Variants in PLEKHA6 observed in about 807,000 individuals in gnomAD.
PLEKHA6 encodes the protein pleckstrin homology domain-containing family A member 6.
Under a neutral mutation model 116.7 loss-of-function variants are expected in PLEKHA6, and 60 were observed. The ratio of observed to expected loss-of-function variants is 0.51; its 90% CI spans 0.42 to 0.64. The LOEUF (loss-of-function observed/expected upper bound fraction) is 0.64, where lower values mean the gene tolerates loss of function less well. PLEKHA6 is among the 30% of genes least tolerant of loss of function. The pLI, the probability that PLEKHA6 is intolerant of heterozygous loss-of-function variation, is 0.00. For missense variants in PLEKHA6, 1,338 were observed against 1,422.7 expected (o/e 0.94, Z 0.96); for synonymous variants, 489 against 556.1 (o/e 0.88, Z 1.70).
chr1:204,230,706 TC>T, intron 17 of PLEKHA6, 120 bp from the exon 18 acceptor site: 1 of 800,026 alleles, frequency 1.2e-6, no homozygotes, highest in Non-Finnish European at 1.9e-6. Flanking sequence ...TGAAGAGTGG[TC>T]CCCAAAAGAT....
At chr1:204,242,965 C>T (rs1663049065) in intron 15 of PLEKHA6, 1 of 398,102 alleles carries the variant, frequency 2.5e-6, no homozygotes, top group Non-Finnish European at 4.4e-6. Flanking sequence ...TTCCTTATCC[C>T]AGAGTCCAGC....
chr1:204,377,307 G>A (rs147102337), intron 1 of PLEKHA6, among the ~76,000 whole-genome samples: 374 of 152,276 alleles, frequency 2.5e-3, no homozygotes, highest in Middle Eastern at 0.017. Context: ...TGGAGGCCTC[G>A]CATGTGACCA....
intron 1 of PLEKHA6, chr1:204,275,734 C>G: frequency 1.0e-6 from 1 of 984,890 alleles, no homozygotes; most frequent in Non-Finnish European, 1.2e-6. Context: ...TGGCAACCCC[C>G]AAGATGGATC....
At chr1:204,267,395 G>T in intron 5 of PLEKHA6, 80 bp downstream of exon 5, 1 of 1,286,110 alleles carries the variant, frequency 7.8e-7, no homozygotes, top group Non-Finnish European at 1.1e-6. Context: ...CCAAAGCCAA[G>T]CTCGGGGATA....
At chr1:204,349,743 G>A (rs1239395624) in intron 1 of PLEKHA6, among the ~76,000 whole-genome samples, 3 of 152,148 alleles carry the variant, frequency 2.0e-5, no homozygotes, top group African/African-American at 4.8e-5. Context: ...TCAGAGTGGC[G>A]AGGATGCCCC....
chr1:204,324,471 G>A (rs2103240699), intron 1 of PLEKHA6, among the ~76,000 whole-genome samples: 1 of 152,256 alleles, frequency 6.6e-6, no homozygotes, highest in African/African-American at 2.4e-5. Flanking sequence ...CTACTTTGCA[G>A]CCCCCATTAG....
At chr1:204,287,171 G>A (rs1289270486) in intron 1 of PLEKHA6, among the ~76,000 whole-genome samples, 3 of 151,954 alleles carry the variant, frequency 2.0e-5, no homozygotes, top group Non-Finnish European at 4.4e-5. Context: ...GGAACAAAAG[G>A]GCTCCTAGCT....
chr1:204,351,355 G>A (rs1271124419), intron 1 of PLEKHA6, among the ~76,000 whole-genome samples: 3 of 152,080 alleles, frequency 2.0e-5, no homozygotes, highest in South Asian at 4.1e-4. Flanking sequence ...AGCCGAACCC[G>A]ACCCCTCCCA....
At chr1:204,280,236 T>A (rs930239066) in intron 1 of PLEKHA6, 1 of 883,866 alleles carries the variant, frequency 1.1e-6, no homozygotes, top group Non-Finnish European at 1.4e-6. Flanking sequence ...CATTGCTTCA[T>A]CTCCAAACAT....
Position 204,261,710 on chromosome 1 carries a change from C to T in PLEKHA6, c.382-262G>A, listed in dbSNP as rs1666141876. On this transcript the variant is annotated intron_variant, in intron 6 of 22. Transcript: ENST00000272203. The surrounding 1 kb of genome is among the most constrained non-coding windows in gnomAD (Gnocchi z 4.0). ...TAGGCAGCCCAATAACCAGGTCAGC[C>T]TACTTGCCCCACCTGGGGTAATTAA... Among the ~76,000 whole-genome samples the T allele has an allele frequency of 6.6e-6, 1 of 152,220 alleles. No homozygotes were observed. The highest frequency in any genetic ancestry group is 1.5e-5 in the Non-Finnish European group (1 of 68,018).
In PLEKHA6 at chr1:204,224,891, G is replaced by A. The variant is rs548680638; in HGVS notation, c.3032-1306C>T. On this transcript the variant is annotated intron_variant, in intron 21 of 22. Coordinates refer to ENST00000272203, the MANE Select transcript of PLEKHA6 (RefSeq NM_014935.5). The stretch of plus-strand genomic sequence containing the variant: ...CTAAAACAGCCAAGAAACCAAAAAC[G>A]AAGCAAAAGATATCTCCAGGAAGCC... Among the ~76,000 whole-genome samples, 122 of 152,286 alleles carry A rather than the reference G, an allele frequency of 8.0e-4. 2 individuals are homozygous for A. The highest frequency in any genetic ancestry group is 6.6e-3 in the Admixed American group (101 of 15,294).
In PLEKHA6 at chr1:204,299,514, C is replaced by T. The variant is rs146225517; in HGVS notation, c.-94-24705G>A. The stretch of plus-strand genomic sequence containing the variant: ...AAGGTGGCAGGGGAGGACTGCTGAC[C>T]GAAGGACTCAGGGAGCTCTGAGCCG... On this transcript the variant is annotated intron_variant, in intron 1 of 22. Coordinates refer to ENST00000272203, the MANE Select transcript of PLEKHA6 (RefSeq NM_014935.5). 3.2e-4 allele frequency: 135 copies of T among 417,268 alleles called. No individual in the cohort carries two copies. The East Asian group carries it at 0.017, about 54-fold the overall frequency. 25.8% of individuals were successfully genotyped at this position (417,268 alleles called of 1,614,324 possible).
Position 204,257,522 on chromosome 1 carries a change from C to A in PLEKHA6, c.1355G>T (p.Arg452Leu), listed in dbSNP as rs758052468. The A allele has an allele frequency of 1.9e-6, 3 of 1,591,656 alleles. No homozygotes were observed. The highest frequency in any genetic ancestry group is 1.1e-5 in the South Asian group (1 of 88,164). Residue 452 changes from arginine (R) to leucine (L), a missense_variant, in exon 9 of 23, where the codon CGC (arginine) becomes CTC (leucine). Physicochemically the swap from Arg to Leu is moderately radical, Grantham distance 102 (BLOSUM62 -2). Coordinates refer to ENST00000272203, the MANE Select transcript of PLEKHA6 (RefSeq NM_014935.5). This position sits in a 1 kb window ranked among gnomAD's most constrained non-coding sequence, Gnocchi z 6.5. ...SSLRRLSLQPRSHSVPRSPSQ... is the reference protein window; with the variant it reads ...SSLRRLSLQPLSHSVPRSPSQ... ...GGGTGAGCGGGGCACAGAGTGGGAG[C>A]GGGGCTGCAGGGACAGGCGGCGCAG...
chr1:204,247,546 A>G, intron 12 of PLEKHA6, 86 bp from the exon 13 acceptor site: 1 of 828,550 alleles, frequency 1.2e-6, no homozygotes, highest in Non-Finnish European at 2.0e-6. Flanking sequence ...GGGCCAGGGT[A>G]CCAGAGGCAC....
Position 204,257,613 on chromosome 1 carries a change from C to G in PLEKHA6, c.1264G>C (p.Val422Leu). ...PASYGRQDAT[V>L]WIPSPSRQPV... ...TGCCGGGAGGGGCTTGGGATCCAGACGGTGGCATCCTGCCGCCCGTAGCTG... is the reference window on the plus strand; with the variant it reads ...TGCCGGGAGGGGCTTGGGATCCAGAGGGTGGCATCCTGCCGCCCGTAGCTG... Residue 422 changes from valine (V) to leucine (L), a missense_variant, in exon 9 of 23, where the codon GTC (valine) becomes CTC (leucine). Around this residue, in one of 3 missense-constraint regions of PLEKHA6, gnomAD observed 1,136 missense variants for 1,163.6 expected, o/e 0.98. Coordinates refer to ENST00000272203, the MANE Select transcript of PLEKHA6 (RefSeq NM_014935.5). The surrounding 1 kb of genome is among the most constrained non-coding windows in gnomAD (Gnocchi z 6.5). 1 of 1,609,210 alleles carries G rather than the reference C, an allele frequency of 6.2e-7. No homozygotes were observed. Among genetic ancestry groups the G allele is most frequent in the Non-Finnish European group, 8.5e-7 (1 of 1,178,244 alleles).
intron 1 of PLEKHA6, among the ~76,000 whole-genome samples, chr1:204,292,903 CTGTTAG>C (rs5780225): frequency 0.75 from 114,165 of 151,290 alleles, 43,306 homozygotes; most frequent in East Asian, 0.85. Flanking sequence ...CAGCTGGAAG[CTGTTAG>C]TGTTAGAGAG....
chr1:204,349,496 A>G (rs1483686096), intron 1 of PLEKHA6, among the ~76,000 whole-genome samples: 2 of 147,968 alleles, frequency 1.4e-5, no homozygotes, highest in Non-Finnish European at 3.0e-5. Flanking sequence ...AGCCAAGATC[A>G]CGCCACTGCG....
At chr1:204,230,629 C>G in intron 17 of PLEKHA6, 43 bp from the exon 18 acceptor site, 1 of 1,522,808 alleles carries the variant, frequency 6.6e-7, no homozygotes, top group Non-Finnish European at 8.9e-7. Flanking sequence ...TGCCTTATCC[C>G]CCACCCAGCT....
At chr1:204,343,669 A>G (rs1289976115) in intron 1 of PLEKHA6, among the ~76,000 whole-genome samples, 1 of 152,208 alleles carries the variant, frequency 6.6e-6, no homozygotes, top group Non-Finnish European at 1.5e-5. Context: ...TTAAGGAATG[A>G]TACAAGTTGA....
Sources: gnomAD v4.1 joint callset for allele counts (sites outside exome capture counted in the v4.1 genomes callset) on GRCh38, gnomAD v4.1.1 for gene constraint, gnomAD v4.1.1 regional missense constraint, Gnocchi (gnomAD v3.1) non-coding constraint, MANE v1.5 for transcripts, NCBI Gene and HGNC (gene_info 2026-07-23, HGNC 2026-07-21) for gene names.